Variants in CPEB1 observed in about 807,000 individuals in gnomAD.
CPEB1 encodes the protein cytoplasmic polyadenylation element-binding protein 1.
In CPEB1, 7 loss-of-function variants were observed where a neutral mutation model predicts 65.8. The ratio of observed to expected loss-of-function variants is 0.11; its 90% confidence interval spans 0.06 to 0.20. The LOEUF (loss-of-function observed/expected upper bound fraction) is 0.20, where lower values mean the gene tolerates loss of function less well. Among genes scored for constraint, CPEB1 ranks in the 10% least tolerant of loss-of-function variants. The probability of loss-of-function intolerance (pLI) is 1.00; values close to 1 mark genes in which losing one functional copy is unlikely to be tolerated. For synonymous variants in CPEB1, 262 were observed against 260.0 expected (o/e 1.01, Z -0.08); for missense variants, 551 against 712.2 (o/e 0.77, Z 2.58).
intron 3 of CPEB1, among the ~76,000 whole-genome samples, chr15:82,615,295 G>A (rs533446268): frequency 6.6e-6 from 1 of 152,302 alleles, no homozygotes; most frequent in South Asian, 2.1e-4. Flanking sequence ...AGCCAAGAAG[G>A]ACCTTGCTTC....
chr15:82,594,364 A>AAAAAGAAAAG (rs59982583), intron 3 of CPEB1, among the ~76,000 whole-genome samples: 140 of 150,236 alleles, frequency 9.3e-4, no homozygotes, highest in African/African-American at 2.5e-3. Flanking sequence ...TGAACCAAAA[A>AAAAAGAAAAG]AAAAGAAAAG....
At chr15:82,621,336 T>C (rs577323964) in intron 3 of CPEB1, among the ~76,000 whole-genome samples, 2 of 128,880 alleles carry the variant, frequency 1.6e-5, no homozygotes, top group South Asian at 5.0e-4. Context: ...AAAAAAAAAA[T>C]CCAGGCCAGG....
intron 1 of CPEB1, among the ~76,000 whole-genome samples, chr15:82,644,927 T>G (rs1231521534): frequency 6.6e-6 from 1 of 152,256 alleles, no homozygotes; most frequent in Non-Finnish European, 1.5e-5. Context: ...TTTTACTTCA[T>G]GGGCACTGGT....
rs2035897052 is a variant in CPEB1 at position 82,549,652 on chromosome 15, C to T, written c.1288G>A (p.Val430Met). 6.2e-7 allele frequency: 1 copy of T among 1,614,114 alleles called. No homozygotes were observed. The highest frequency in any genetic ancestry group is 1.7e-5 in the Admixed American group (1 of 60,022). Residue 430 changes from valine (V) to methionine (M), a missense_variant, in exon 10 of 13, where the codon GTG becomes ATG. Physicochemically the swap from Val to Met is conservative, Grantham distance 21. This residue lies in a region of CPEB1 where 99 missense variants were observed against 161.3 expected (regional missense o/e 0.61). Transcript: ENST00000684509. Reference protein sequence around the residue: ...SRRMRCKEVQVIPWVLADSNF... With the variant: ...SRRMRCKEVQMIPWVLADSNF... ...CTGTCGGCTAATACCCAGGGGATCA[C>T]CTGCACCTGAAAACCACCCAAAGGT...
intron 3 of CPEB1, among the ~76,000 whole-genome samples, chr15:82,617,596 T>C (rs1173179157): frequency 1.3e-5 from 2 of 152,012 alleles, no homozygotes; most frequent in South Asian, 2.1e-4. Flanking sequence ...ATTGCTTCAC[T>C]AGGTGTGACA....
At chr15:82,574,556 A>G (rs531757945) in intron 3 of CPEB1, among the ~76,000 whole-genome samples, 1 of 151,928 alleles carries the variant, frequency 6.6e-6, no homozygotes, top group Non-Finnish European at 1.5e-5. Flanking sequence ...TGTCTCTACT[A>G]AAAATACAAA....
In CPEB1 at chr15:82,561,072, A is replaced by G. The variant is rs8037175; in HGVS notation, c.461-3086T>C. Among the ~76,000 whole-genome samples, 1,404 of 152,364 alleles carry G rather than the reference A, an allele frequency of 9.2e-3. 18 individuals are homozygous for G. The highest frequency in any genetic ancestry group is 0.031 in the African/African-American group (1,279 of 41,584). On this transcript the variant is annotated intron_variant, in intron 4 of 12. Coordinates refer to ENST00000684509, the MANE Select transcript of CPEB1 (RefSeq NM_001365242.1). The stretch of plus-strand genomic sequence containing the variant: ...CAGTGATTTCAATAGGCTGATAGCT[A>G]TAAGAGGAATGAGGGTGGCAGACAA...
rs771713486 is a variant in CPEB1, at chr15:82,562,834, C to CAA, written c.461-4850_461-4849dup. 4.3e-3 allele frequency among the ~76,000 whole-genome samples: 459 copies of CAA among 106,132 alleles called. 3 individuals carry two copies. Among genetic ancestry groups the CAA allele is most frequent in the African/African-American group, 0.014 (432 of 30,590 alleles). 69.6% of individuals were successfully genotyped at this position (106,132 alleles called of 152,430 possible). On this transcript the variant is annotated intron_variant, in intron 4 of 12. Transcript: ENST00000684509. Reference sequence around the variant, plus strand: ...TGGGCAACAGGGCAAAATCCTGTCTCAAAAAAAAAAAAAAGACTGGAGGTT... The same window carrying CAA: ...TGGGCAACAGGGCAAAATCCTGTCTCAAAAAAAAAAAAAAAAGACTGGAGGTT...
At chr15:82,548,742 T>C (rs983650962) in intron 10 of CPEB1, 7 of 455,584 alleles carry the variant, frequency 1.5e-5, no homozygotes, top group Non-Finnish European at 3.1e-5. Context: ...GCTTCTGAAG[T>C]CCCTGTTCTC....
chr15:82,556,985 G>A (rs1336165388), intron 5 of CPEB1, among the ~76,000 whole-genome samples: 4 of 152,150 alleles, frequency 2.6e-5, no homozygotes, highest in South Asian at 2.1e-4. Context: ...CATTCAGCTC[G>A]GGAGATTTGG....
intron 3 of CPEB1, among the ~76,000 whole-genome samples, chr15:82,599,372 T>C (rs1196368474): frequency 1.3e-5 from 2 of 152,070 alleles, no homozygotes; most frequent in African/African-American, 4.8e-5. Flanking sequence ...AACAGAATTT[T>C]AAACTATTTG....
chr15:82,632,796 T>G (rs1033320975), intron 1 of CPEB1, among the ~76,000 whole-genome samples: 4 of 152,118 alleles, frequency 2.6e-5, no homozygotes, highest in African/African-American at 9.7e-5. Flanking sequence ...CTCAAAGTGC[T>G]GGGATTACAG....
At chr15:82,557,685 A>G in intron 5 of CPEB1, 75 bp downstream of exon 5, 3 of 1,272,930 alleles carry the variant, frequency 2.4e-6, no homozygotes, top group Non-Finnish European at 3.4e-6. Context: ...TCCCATAGAT[A>G]TTGTACCCTC....
chr15:82,582,174 G>A (rs568270114), intron 3 of CPEB1, among the ~76,000 whole-genome samples: 93 of 152,316 alleles, frequency 6.1e-4, no homozygotes, highest in African/African-American at 2.2e-3. Context: ...TAGCTTTCCA[G>A]TGATTCCTTC....
chr15:82,548,638 G>C (rs766927805), intron 10 of CPEB1: 58 of 439,788 alleles, frequency 1.3e-4, no homozygotes, highest in Non-Finnish European at 2.5e-4. Flanking sequence ...CCCAGCAGTT[G>C]AACTGAACCT....
intron 3 of CPEB1, among the ~76,000 whole-genome samples, chr15:82,601,033 T>G (rs1043075939): frequency 6.7e-6 from 1 of 149,444 alleles, no homozygotes; most frequent in Admixed American, 6.7e-5. Context: ...GCCTCCCGAG[T>G]AGCTGGGATT....
At chr15:82,622,571 T>C (rs1004934759) in intron 3 of CPEB1, among the ~76,000 whole-genome samples, 2 of 152,130 alleles carry the variant, frequency 1.3e-5, no homozygotes, top group African/African-American at 2.4e-5. Context: ...TTTCTATTTT[T>C]AATAGAGACA....
Position 82,552,597 on chromosome 15 carries a change from G to A in CPEB1, c.1164C>T (p.Phe388=), listed in dbSNP as rs754255400. The change falls in exon 9 of 13, where the codon TTC becomes TTT. Residue 388 remains phenylalanine (F), a synonymous_variant. Transcript: ENST00000684509. The stretch of plus-strand genomic sequence containing the variant: ...AGGATCGGACAGACTTCTCTAGTTC[G>A]AAGACCAGATACACATACCCTATTC... ...CPPKGYVYLV[F]ELEKSVRSLL... The A allele has an allele frequency of 1.2e-5, 20 of 1,613,968 alleles. No homozygotes were observed. The Admixed American group carries it at 2.0e-4, about 16-fold the overall frequency.
chr15:82,574,180 T>C (rs1245284316), intron 3 of CPEB1, among the ~76,000 whole-genome samples: 1 of 152,202 alleles, frequency 6.6e-6, no homozygotes, highest in Non-Finnish European at 1.5e-5. Context: ...CAGACATTCC[T>C]CAATCTGTTG....
Sources: allele counts gnomAD v4.1 joint callset (sites outside exome capture counted in the v4.1 genomes callset), GRCh38; gene constraint gnomAD v4.1.1; regional missense constraint gnomAD v4.1.1; transcripts MANE v1.5; gene names NCBI Gene and HGNC (gene_info 2026-07-23, HGNC 2026-07-21).